The following GNAQ variants were observed in gnomAD, a reference collection of about 807,000 sequenced individuals.
GNAQ encodes the protein G protein subunit alpha q.
A neutral mutation model predicts 43.9 loss-of-function variants in GNAQ; 8 were observed. That is an observed-to-expected ratio of 0.18 (90% confidence interval 0.11 to 0.33). GNAQ has a LOEUF of 0.33. Among genes scored for constraint, GNAQ ranks in the 10% least tolerant of loss-of-function variants. The pLI is 1.00. For synonymous variants in GNAQ, 155 were observed against 170.7 expected (o/e 0.91, Z 0.71); for missense variants, 158 against 450.8 (o/e 0.35, Z 5.88).
chr9:77,837,575 A>T (rs945153402), intron 2 of GNAQ, among the ~76,000 whole-genome samples: 7 of 152,054 alleles, frequency 4.6e-5, no homozygotes, highest in African/African-American at 1.2e-4. Context: ...GATTTTTTTT[A>T]AAAAAGCTGT....
chr9:77,973,689 T>C (rs1049691372), intron 1 of GNAQ, among the ~76,000 whole-genome samples: 1 of 152,078 alleles, frequency 6.6e-6, no homozygotes, highest in Non-Finnish European at 1.5e-5. Flanking sequence ...TGGTGGCGTG[T>C]GCCTATGATC....
At chr9:78,005,249 T>C (rs899258139) in intron 1 of GNAQ, among the ~76,000 whole-genome samples, 1 of 152,164 alleles carries the variant, frequency 6.6e-6, no homozygotes. Flanking sequence ...TTCTTCATGT[T>C]GCCCAGGCTG....
chr9:77,997,665 A>C (rs1823586487), intron 1 of GNAQ, among the ~76,000 whole-genome samples: 2 of 152,134 alleles, frequency 1.3e-5, no homozygotes, highest in Admixed American at 6.5e-5. Flanking sequence ...CGCCACATCA[A>C]TAAATGTAGG....
intron 5 of GNAQ, among the ~76,000 whole-genome samples, chr9:77,757,991 T>C (rs984624637): frequency 3.3e-5 from 5 of 152,348 alleles, no homozygotes; most frequent in Non-Finnish European, 5.9e-5. Flanking sequence ...TTCTAACAGG[T>C]ACATCAGTCA....
intron 2 of GNAQ, among the ~76,000 whole-genome samples, chr9:77,919,200 A>T (rs992589705): frequency 6.6e-6 from 1 of 152,186 alleles, no homozygotes; most frequent in Admixed American, 6.5e-5. Flanking sequence ...GATTACAGGT[A>T]TGAGTCACCA....
At chr9:77,858,340 T>A (rs1206767426) in intron 2 of GNAQ, among the ~76,000 whole-genome samples, 1 of 152,178 alleles carries the variant, frequency 6.6e-6, no homozygotes, top group Non-Finnish European at 1.5e-5. Flanking sequence ...TGAAGACCAT[T>A]GCTCTAAATC....
chr9:77,970,134 G>A (rs1313907645), intron 1 of GNAQ, among the ~76,000 whole-genome samples: 3 of 151,826 alleles, frequency 2.0e-5, no homozygotes, highest in African/African-American at 4.8e-5. Context: ...CAGAAGAATC[G>A]CTTGAACCCG....
intron 1 of GNAQ, among the ~76,000 whole-genome samples, chr9:78,026,643 G>A (rs1353789507): frequency 1.3e-5 from 2 of 152,062 alleles, no homozygotes; most frequent in African/African-American, 2.4e-5. Context: ...CTGACCTCTA[G>A]GTTAATTCAG....
At chr9:77,861,544 C>T (rs535790369) in intron 2 of GNAQ, among the ~76,000 whole-genome samples, 9 of 152,216 alleles carry the variant, frequency 5.9e-5, no homozygotes, top group African/African-American at 1.2e-4. Context: ...AGATACAATG[C>T]GGGTACAGGC....
At chr9:77,818,547 G>A (rs1222310590) in intron 2 of GNAQ, among the ~76,000 whole-genome samples, 4 of 151,476 alleles carry the variant, frequency 2.6e-5, no homozygotes, top group East Asian at 1.9e-4. Context: ...TCCAAATGTC[G>A]AATGTGAAAT....
At chr9:77,924,099 A>T (rs1829035312) in intron 1 of GNAQ, among the ~76,000 whole-genome samples, 1 of 152,178 alleles carries the variant, frequency 6.6e-6, no homozygotes. Flanking sequence ...TATTACTTTT[A>T]GTAAAGTGAT....
Position 77,788,668 on chromosome 9 carries a change from T to C in GNAQ, c.735+5795A>G, listed in dbSNP as rs538997225. On this transcript the variant is annotated intron_variant, in intron 5 of 6. Coordinates refer to ENST00000286548, the MANE Select transcript of GNAQ (RefSeq NM_002072.5). Reference sequence around the variant, plus strand: ...GTAGGTCATTATTTTAAGTTCTCTATAATTATATACTCTTTTCTCTCACTC... The same window carrying C: ...GTAGGTCATTATTTTAAGTTCTCTACAATTATATACTCTTTTCTCTCACTC... Among the ~76,000 whole-genome samples the C allele has an allele frequency of 5.3e-5, 8 of 152,330 alleles. No homozygotes were observed. In the East Asian group the frequency reaches 1.4e-3, roughly 26 times the overall value.
At chr9:77,954,874 T>C (rs978009960) in intron 1 of GNAQ, among the ~76,000 whole-genome samples, 3 of 152,162 alleles carry the variant, frequency 2.0e-5, no homozygotes, top group Admixed American at 2.0e-4. Context: ...AAAAACCTTC[T>C]GAGGAAGGCA....
chr9:77,794,102 T>C (rs1169659386), intron 5 of GNAQ, among the ~76,000 whole-genome samples: 4 of 152,094 alleles, frequency 2.6e-5, no homozygotes, highest in African/African-American at 9.7e-5. Flanking sequence ...TTAAACAAAA[T>C]GAAAACAAAA....
At position 77,924,308 on chromosome 9, in the gene GNAQ, G is replaced by A. The variant is rs962232707; in HGVS notation, c.137-1963C>T. ...AAATTTTTTCTCATTATCAACCAAC[G>A]ATTTATAGAAACTAGTATTTTTACT... On this transcript the variant is annotated intron_variant, in intron 1 of 6. Coordinates refer to ENST00000286548, the MANE Select transcript of GNAQ (RefSeq NM_002072.5). 3.3e-5 allele frequency among the ~76,000 whole-genome samples: 5 copies of A among 152,004 alleles called. No homozygotes were observed. The East Asian group carries it at 9.6e-4, about 29-fold the overall frequency.
At chr9:77,762,784 A>G (rs984627420) in intron 5 of GNAQ, among the ~76,000 whole-genome samples, 5 of 152,110 alleles carry the variant, frequency 3.3e-5, no homozygotes, top group African/African-American at 9.7e-5. Context: ...GATCCTGTTG[A>G]TCTGTGACCT....
intron 1 of GNAQ, among the ~76,000 whole-genome samples, chr9:78,029,117 T>G (rs1307259526): frequency 3.9e-5 from 6 of 152,132 alleles, no homozygotes; most frequent in Admixed American, 3.3e-4. Context: ...TCCATGTAAG[T>G]GTATTTCCCT....
At chr9:77,881,562 A>G (rs1828207536) in intron 2 of GNAQ, among the ~76,000 whole-genome samples, 1 of 152,118 alleles carries the variant, frequency 6.6e-6, no homozygotes, top group Non-Finnish European at 1.5e-5. Flanking sequence ...TGTTCTTTGT[A>G]GAGACAGGGG....
At chr9:77,812,694 GAACTT>G (rs1826946707) in intron 3 of GNAQ, among the ~76,000 whole-genome samples, 1 of 151,946 alleles carries the variant, frequency 6.6e-6, no homozygotes, top group African/African-American at 2.4e-5. Context: ...ATGATAAAAA[GAACTT>G]AATTAATTTT....
Sources: gnomAD v4.1 joint callset for allele counts (sites outside exome capture counted in the v4.1 genomes callset) on GRCh38, gnomAD v4.1.1 for gene constraint, MANE v1.5 for transcripts, NCBI Gene and HGNC (gene_info 2026-07-23, HGNC 2026-07-21) for gene names.